IER3IP1: variants seen among roughly 807,000 people sequenced by gnomAD.
IER3IP1 encodes the protein immediate early response 3-interacting protein 1.
IER3IP1 carries 16 observed loss-of-function variants against 12.2 expected under a neutral mutation model. That is an observed-to-expected ratio of 1.31 (90% CI 0.89 to 1.99). The LOEUF (loss-of-function observed/expected upper bound fraction) is 1.99. Ranked by LOEUF, IER3IP1 falls within the 30% of genes most tolerant of loss-of-function variation. The probability of loss-of-function intolerance (pLI) is 0.00; values close to 1 mark genes in which losing one functional copy is unlikely to be tolerated. For synonymous variants in IER3IP1, 42 were observed against 40.0 expected (o/e 1.05, Z -0.19); for missense variants, 95 against 95.8 (o/e 0.99, Z 0.03).
chr18:47,168,343 A>G (rs1037846934), intron 1 of IER3IP1, among the ~76,000 whole-genome samples: 8 of 151,286 alleles, frequency 5.3e-5, no homozygotes, highest in Non-Finnish European at 8.8e-5. Flanking sequence ...CTTAAGTTTC[A>G]CCTAAGGGTA....
rs1327980701 is a variant in IER3IP1 at position 47,154,085 on chromosome 18, GAATAC to G, written c.*2087_*2091del. On this transcript the variant is annotated 3_prime_UTR_variant, in exon 3 of 3. Coordinates refer to ENST00000256433, the MANE Select transcript of IER3IP1 (RefSeq NM_016097.5). ...TCAGAGACATGCAAACACAGGGCCA[GAATAC>G]ATAAGGACTATAAACATCATCGGTA... 6.6e-6 allele frequency: 1 copy of G among 152,204 alleles called. No homozygotes were observed. 9.4% of individuals were successfully genotyped at this position (152,204 alleles called of 1,614,324 possible).
At position 47,176,281 on chromosome 18, in the gene IER3IP1, C is replaced by G; in HGVS notation, c.-4G>C. The G allele has an allele frequency of 6.2e-7, 1 of 1,602,522 alleles. No homozygotes were observed. Among genetic ancestry groups the G allele is most frequent in the Non-Finnish European group, 8.5e-7 (1 of 1,174,696 alleles). ...GTGAGTACAGGGTAAAGGCCATGGC[C>G]GTCCGAGGCCGCCCCGAAGTCCAAG... On this transcript the variant is annotated 5_prime_UTR_variant, in exon 1 of 3. Transcript: ENST00000256433.
In IER3IP1 at chr18:47,157,480, G is replaced by C; in HGVS notation, c.149C>G (p.Ser50Ter). Residue 50 changes from serine to a stop codon, truncating the protein, a stop_gained, in exon 2 of 3, where the codon TCA becomes TGA. Coordinates refer to ENST00000256433, the MANE Select transcript of IER3IP1 (RefSeq NM_016097.5). LOFTEE classifies it high-confidence loss of function. ...AGATCGAATAAGGTTCATTAGCTGT[G>C]ATTTAATTCCCGGCTCTTCTCCAAA... is the stretch of plus-strand genomic sequence containing the variant. ...GGFGEEPGIK[S>*]QLMNLIRSVR... 13 of 1,614,070 alleles carry C rather than the reference G, an allele frequency of 8.1e-6. No individual in the cohort carries two copies. Among genetic ancestry groups the C allele is most frequent in the Non-Finnish European group, 1.1e-5 (13 of 1,179,988 alleles).
intron 1 of IER3IP1, among the ~76,000 whole-genome samples, chr18:47,159,229 A>G (rs2063971630): frequency 1.3e-5 from 2 of 152,256 alleles, no homozygotes; most frequent in East Asian, 3.8e-4. Flanking sequence ...AACTGTGGTC[A>G]TCTGAAGTAC....
chr18:47,175,961 C>A (rs943073211), intron 1 of IER3IP1, among the ~76,000 whole-genome samples: 1 of 152,104 alleles, frequency 6.6e-6, no homozygotes, highest in African/African-American at 2.4e-5. Flanking sequence ...ACTTCTATAT[C>A]CCTCCACCCC....
At chr18:47,160,837 A>G (rs1302810978) in intron 1 of IER3IP1, among the ~76,000 whole-genome samples, 3 of 152,118 alleles carry the variant, frequency 2.0e-5, no homozygotes, top group Non-Finnish European at 4.4e-5. Flanking sequence ...TTTTTCCTTG[A>G]TCATTCCTCT....
At position 47,156,132 on chromosome 18, in the gene IER3IP1, C is replaced by T. The variant is rs567516352; in HGVS notation, c.*45G>A. On this transcript the variant is annotated 3_prime_UTR_variant, in exon 3 of 3. Coordinates refer to ENST00000256433, the MANE Select transcript of IER3IP1 (RefSeq NM_016097.5). ...CCAATAATGACCAAAGTAATAACTTCTACTGGCATGTCCTCTTCTGAGTCT... is the reference window on the plus strand; with the variant it reads ...CCAATAATGACCAAAGTAATAACTTTTACTGGCATGTCCTCTTCTGAGTCT... 5 of 1,154,476 alleles carry T rather than the reference C, an allele frequency of 4.3e-6. No individual in the cohort carries two copies. The East Asian group carries it at 1.2e-4, about 27-fold the overall frequency. 71.5% of individuals were successfully genotyped at this position (1,154,476 alleles called of 1,614,324 possible).
At position 47,160,941 on chromosome 18, in the gene IER3IP1, A is replaced by G. The variant is rs146645796; in HGVS notation, c.92-3404T>C. ...TCTTTTGTTATTCTCCTATGATACT[A>G]CAAATCATTATTTCTTCACCCTTAC... is the stretch of plus-strand genomic sequence containing the variant. On this transcript the variant is annotated intron_variant, in intron 1 of 2. Transcript: ENST00000256433. Among the ~76,000 whole-genome samples the G allele has an allele frequency of 9.9e-5, 15 of 152,262 alleles. No individual in the cohort carries two copies. The East Asian group carries it at 2.9e-3, about 29-fold the overall frequency.
chr18:47,162,623 T>C (rs1295139246), intron 1 of IER3IP1, among the ~76,000 whole-genome samples: 2 of 150,760 alleles, frequency 1.3e-5, no homozygotes, highest in Non-Finnish European at 3.0e-5. Context: ...CCAAACACAA[T>C]TGAAGAAAAA....
intron 1 of IER3IP1, among the ~76,000 whole-genome samples, chr18:47,173,900 C>G (rs1303009778): frequency 6.6e-6 from 1 of 152,194 alleles, no homozygotes; most frequent in East Asian, 1.9e-4. Context: ...CCTCAGTTGT[C>G]ACATGATCTT....
chr18:47,160,311 G>C (rs1384952037), intron 1 of IER3IP1, among the ~76,000 whole-genome samples: 1 of 152,176 alleles, frequency 6.6e-6, no homozygotes, highest in Admixed American at 6.5e-5. Context: ...AAACAACACT[G>C]GTGATCAAAC....
chr18:47,160,884 T>C (rs2063977892), intron 1 of IER3IP1, among the ~76,000 whole-genome samples: 1 of 152,208 alleles, frequency 6.6e-6, no homozygotes, highest in South Asian at 2.1e-4. Flanking sequence ...TTTAGCCCAC[T>C]ACCCCTCTTA....
intron 1 of IER3IP1, among the ~76,000 whole-genome samples, chr18:47,168,505 A>G (rs1482835501): frequency 1.3e-5 from 2 of 152,182 alleles, no homozygotes; most frequent in Non-Finnish European, 2.9e-5. Context: ...TTTAAACTTT[A>G]GGTAAAGGAA....
At chr18:47,175,674 G>C (rs535139299) in intron 1 of IER3IP1, among the ~76,000 whole-genome samples, 56 of 152,124 alleles carry the variant, frequency 3.7e-4, no homozygotes, top group African/African-American at 1.3e-3. Flanking sequence ...TGTTGGCCAG[G>C]CTGGTCCCAA....
chr18:47,157,592 C>T (rs2063965655), intron 1 of IER3IP1, 55 bp from the exon 2 acceptor site: 1 of 1,450,312 alleles, frequency 6.9e-7, no homozygotes, highest in East Asian at 2.3e-5. Flanking sequence ...TGCCTTCCTC[C>T]CTGTCATCTT....
rs2063957420 is a variant in IER3IP1, at chr18:47,156,007, G to A, written c.*170C>T. The A allele has an allele frequency of 5.1e-6, 3 of 591,030 alleles. No homozygotes were observed. Among genetic ancestry groups the A allele is most frequent in the Non-Finnish European group, 6.0e-6 (2 of 332,234 alleles). 36.6% of individuals were successfully genotyped at this position (591,030 alleles called of 1,614,324 possible). ...GATCTTTTGTAATGAAACTACAAGTGCAACATTAAAAAAAAAAACAGATAA... is the reference window on the plus strand; with the variant it reads ...GATCTTTTGTAATGAAACTACAAGTACAACATTAAAAAAAAAAACAGATAA... On this transcript the variant is annotated 3_prime_UTR_variant, in exon 3 of 3. Transcript: ENST00000256433.
Position 47,172,725 on chromosome 18 carries a change from T to C in IER3IP1, c.91+3462A>G, listed in dbSNP as rs762455784. On this transcript the variant is annotated intron_variant, in intron 1 of 2. Coordinates refer to ENST00000256433, the MANE Select transcript of IER3IP1 (RefSeq NM_016097.5). The surrounding 1 kb of genome is among the most constrained non-coding windows in gnomAD (Gnocchi z 4.0). ...CAATTTTCCAATTAGTACTTTCAGA[T>C]GGCAGGCTACAACTGAAAAGTGTGG... Among the ~76,000 whole-genome samples, 22 of 152,244 alleles carry C rather than the reference T, an allele frequency of 1.4e-4. 1 individual carries two copies. Among genetic ancestry groups the C allele is most frequent in the Non-Finnish European group, 2.2e-4 (15 of 68,046 alleles).
At position 47,156,006 on chromosome 18, in the gene IER3IP1, T is replaced by G. The variant is rs2063957410; in HGVS notation, c.*171A>C. Reference sequence around the variant, plus strand: ...TGATCTTTTGTAATGAAACTACAAGTGCAACATTAAAAAAAAAAACAGATA... The same window carrying G: ...TGATCTTTTGTAATGAAACTACAAGGGCAACATTAAAAAAAAAAACAGATA... On this transcript the variant is annotated 3_prime_UTR_variant, in exon 3 of 3. Transcript: ENST00000256433. 2 of 591,812 alleles carry G rather than the reference T, an allele frequency of 3.4e-6. No homozygotes were observed. The highest frequency in any genetic ancestry group is 4.2e-5 in the South Asian group (2 of 47,858). 36.7% of individuals were successfully genotyped at this position (591,812 alleles called of 1,614,324 possible).
At chr18:47,169,408 C>G (rs2064007805) in intron 1 of IER3IP1, among the ~76,000 whole-genome samples, 1 of 152,030 alleles carries the variant, frequency 6.6e-6, no homozygotes, top group African/African-American at 2.4e-5. Context: ...TGTTTGTTTT[C>G]AATACTCTTG....
Sources: gnomAD v4.1 joint callset for allele counts (sites outside exome capture counted in the v4.1 genomes callset) on GRCh38, gnomAD v4.1.1 for gene constraint, Gnocchi (gnomAD v3.1) non-coding constraint, MANE v1.5 for transcripts, NCBI Gene and HGNC (gene_info 2026-07-23, HGNC 2026-07-21) for gene names.